CLPTM1: variants seen among roughly 807,000 people sequenced by gnomAD.
CLPTM1 encodes CLPTM1 regulator of GABA type A receptor forward trafficking.
CLPTM1 carries 21 observed loss-of-function variants against 77.3 expected under a neutral mutation model. That is an observed-to-expected ratio of 0.27 (90% CI 0.19 to 0.39). CLPTM1 has a LOEUF of 0.39. Ranked by LOEUF, CLPTM1 falls within the 10% of genes least tolerant of loss-of-function variation. The pLI is 1.00. For missense variants in CLPTM1, 642 were observed against 921.2 expected, an observed-to-expected ratio of 0.70 and a Z score of 3.92; for synonymous variants, 373 against 381.0, an observed-to-expected ratio of 0.98 and a Z score of 0.24.
intron 2 of CLPTM1, among the ~76,000 whole-genome samples, chr19:44,972,496 G>T (rs1036063349): frequency 6.6e-6 from 1 of 151,982 alleles, no homozygotes; most frequent in South Asian, 2.1e-4. Context: ...TGATCCGCCC[G>T]CCTTGGCCTC....
upstream of CLPTM1, chr19:44,955,035 C>A: frequency 6.5e-7 from 1 of 1,535,594 alleles, no homozygotes; most frequent in Non-Finnish European, 8.7e-7. Context: ...CGCGAAGAAT[C>A]GGCAGGGAGA....
Position 44,992,291 on chromosome 19 carries a change from C to A in CLPTM1, c.1614C>A (p.His538Gln). 6.2e-7 allele frequency: 1 copy of A among 1,614,140 alleles called. No homozygotes were observed. Among genetic ancestry groups the A allele is most frequent in the Non-Finnish European group, 8.5e-7 (1 of 1,179,986 alleles). ...ACTACAAGCTCAAGTCTGTGGCCCA[C>A]CTTCCCTGGCGCATGCTCACCTACA... The part of the protein sequence containing the change: ...FINYKLKSVA[H>Q]LPWRMLTYKA... Residue 538 changes from histidine to glutamine, a missense_variant, in exon 13 of 14, where the codon CAC becomes CAA. Physicochemically the swap from His to Gln is conservative, Grantham distance 24. Transcript: ENST00000337392. The surrounding 1 kb of genome is among the most constrained non-coding windows in gnomAD (Gnocchi z 7.7).
intron 2 of CLPTM1, among the ~76,000 whole-genome samples, chr19:44,969,561 T>C (rs539250571): frequency 1.1e-3 from 166 of 152,286 alleles, no homozygotes; most frequent in South Asian, 3.5e-3. Context: ...GTTGTGCCAT[T>C]GCTAGGTTTT....
At chr19:44,988,765 C>A (rs1971022592) in intron 9 of CLPTM1, among the ~76,000 whole-genome samples, 1 of 152,252 alleles carries the variant, frequency 6.6e-6, no homozygotes. Flanking sequence ...CCCCAACTCT[C>A]ATCTTCTAGG....
chr19:44,987,736 G>T, intron 8 of CLPTM1: 1 of 545,154 alleles, frequency 1.8e-6, no homozygotes, highest in Non-Finnish European at 3.3e-6. Context: ...CATCTCACTG[G>T]GTCCTGAAAT....
chr19:44,963,653 T>G lies in CLPTM1; in HGVS notation c.185+1578T>G, dbSNP rs539256024. Among the ~76,000 whole-genome samples, 3 of 151,526 alleles carry G rather than the reference T, an allele frequency of 2.0e-5. No individual in the cohort carries two copies. The East Asian group carries it at 5.9e-4, about 30-fold the overall frequency. On this transcript the variant is annotated intron_variant, in intron 2 of 13. Coordinates refer to ENST00000337392, the MANE Select transcript of CLPTM1 (RefSeq NM_001294.4). ...TTTTATTTTTGTAATGGAGTCTCGC[T>G]CTGTTTCCCAGGCTGGAGTACAGTG... is the stretch of plus-strand genomic sequence containing the variant.
chr19:44,990,877 A>ATCT lies in CLPTM1; in HGVS notation c.1354_1356dup (p.Phe452dup), dbSNP rs1971061981. 7 of 1,613,744 alleles carry ATCT rather than the reference A, an allele frequency of 4.3e-6. No individual in the cohort carries two copies. The highest frequency in any genetic ancestry group is 4.2e-6 in the Non-Finnish European group (5 of 1,179,900). ...GGACCGAGAGCACAGGGTGGCAGGA[A>ATCT]TCTTCCCCCGCCTATCCTTCAAGGA... On this transcript the variant is annotated inframe_insertion, in exon 11 of 14. Transcript: ENST00000337392. The surrounding 1 kb of genome is among the most constrained non-coding windows in gnomAD (Gnocchi z 4.8).
In CLPTM1 at chr19:44,970,313, G is replaced by C. The variant is rs1028760994; in HGVS notation, c.186-2774G>C. On this transcript the variant is annotated intron_variant, in intron 2 of 13. Coordinates refer to ENST00000337392, the MANE Select transcript of CLPTM1 (RefSeq NM_001294.4). ...GGCCACCTGGTTCCTTCCTTCTCAG[G>C]GGTGGAGGCTTGCACCTTGTGGGGT... Among the ~76,000 whole-genome samples, 16 of 146,920 alleles carry C rather than the reference G, an allele frequency of 1.1e-4. 4 individuals are homozygous for C. The highest frequency in any genetic ancestry group is 3.7e-4 in the African/African-American group (14 of 37,390).
At chr19:44,954,797 T>C (rs1327025753), upstream of CLPTM1, 1 of 1,287,870 alleles carries the variant, frequency 7.8e-7, no homozygotes, top group Non-Finnish European at 1.0e-6. Context: ...TTGTTGGCCG[T>C]AAGACCCCTG....
chr19:44,977,252 G>A (rs1970819125), intron 4 of CLPTM1, 91 bp from the exon 5 acceptor site: 4 of 927,216 alleles, frequency 4.3e-6, no homozygotes, highest in East Asian at 2.4e-5. Context: ...TGAGGGGGAG[G>A]AAACTGCTGC....
At chr19:44,986,421 T>C in intron 6 of CLPTM1, 34 bp from the exon 7 acceptor site, 1 of 1,604,490 alleles carries the variant, frequency 6.2e-7, no homozygotes, top group Non-Finnish European at 8.5e-7. Context: ...CACTTCCACC[T>C]GCCTCTGAGG....
intron 7 of CLPTM1, chr19:44,986,965 C>T: frequency 1.6e-6 from 1 of 617,024 alleles, no homozygotes. Context: ...TGAGCCACAG[C>T]TGCCCCCTTC....
chr19:44,964,577 C>T (rs1970598602), intron 2 of CLPTM1, among the ~76,000 whole-genome samples: 1 of 152,108 alleles, frequency 6.6e-6, no homozygotes, highest in Admixed American at 6.6e-5. Flanking sequence ...TCCTAAAGTC[C>T]TGGGATTATA....
intron 9 of CLPTM1, 53 bp downstream of exon 9, chr19:44,988,226 A>C (rs1354094509): frequency 7.8e-7 from 1 of 1,289,526 alleles, no homozygotes. Flanking sequence ...GGGGGACAGG[A>C]CCTGCCCCCT....
chr19:44,979,114 G>A (rs1970852214), intron 5 of CLPTM1, among the ~76,000 whole-genome samples: 1 of 151,822 alleles, frequency 6.6e-6, no homozygotes, highest in Non-Finnish European at 1.5e-5. Flanking sequence ...AAAATAGCTG[G>A]GACTACAGGC....
rs775586434 is a variant in CLPTM1 at position 44,992,830 on chromosome 19, G to A, written c.1943G>A (p.Gly648Glu). 1 of 1,613,574 alleles carries A rather than the reference G, an allele frequency of 6.2e-7. No homozygotes were observed. Among genetic ancestry groups the A allele is most frequent in the Non-Finnish European group, 8.5e-7 (1 of 1,179,892 alleles). Residue 648 changes from glycine (G) to glutamate (E), a missense_variant, in exon 14 of 14, where the codon GGG (glycine) becomes GAG (glutamate). Transcript: ENST00000337392. The surrounding 1 kb of genome is among the most constrained non-coding windows in gnomAD (Gnocchi z 7.7). ...TCCCTGCCCACCAAGCCCACCCAGG[G>A]GGCCAGCTCTGCCAGCGAGCCCCAG... ...STSLPTKPTQGASSASEPQEA... is the reference protein window; with the variant it reads ...STSLPTKPTQEASSASEPQEA...
chr19:44,983,617 C>CAAAAAAAAAAA (rs35582067), intron 5 of CLPTM1, among the ~76,000 whole-genome samples: 283 of 39,828 alleles, frequency 7.1e-3, no homozygotes, highest in Non-Finnish European at 8.4e-3. Flanking sequence ...GACTCTGTCT[C>CAAAAAAAAAAA]AAAAAAAAAA....
chr19:44,961,538 C>G (rs2122238361), intron 1 of CLPTM1, among the ~76,000 whole-genome samples: 1 of 152,318 alleles, frequency 6.6e-6, no homozygotes, highest in South Asian at 2.1e-4. Context: ...GCTTCTCTCA[C>G]TTCCTCCTTT....
intron 5 of CLPTM1, among the ~76,000 whole-genome samples, chr19:44,983,541 C>G (rs1158045439): frequency 7.3e-6 from 1 of 137,470 alleles, no homozygotes; most frequent in Non-Finnish European, 1.5e-5. Context: ...TAGCTGGAAC[C>G]TGGGAGTCGG....
Sources: gnomAD v4.1 joint callset for allele counts (sites outside exome capture counted in the v4.1 genomes callset) on GRCh38, gnomAD v4.1.1 for gene constraint, Gnocchi (gnomAD v3.1) non-coding constraint, MANE v1.5 for transcripts, NCBI Gene and HGNC (gene_info 2026-07-23, HGNC 2026-07-21) for gene names.